Variants in DNAH5 observed in about 807,000 individuals in gnomAD.
The protein encoded by DNAH5 is dynein axonemal heavy chain 5.
DNAH5 carries 372 observed loss-of-function variants against 518.2 expected under a neutral mutation model. The observed-to-expected ratio is 0.72, with a 90% CI of 0.66 to 0.78. The LOEUF (loss-of-function observed/expected upper bound fraction) is 0.78, where lower values mean the gene tolerates loss of function less well. Among genes scored for constraint, DNAH5 ranks in the 30% least tolerant of loss-of-function variants. The pLI is 0.00. For missense variants in DNAH5, 5,523 were observed against 5,687.0 expected (o/e 0.97, Z 0.93); for synonymous variants, 2,039 against 2,025.9 (o/e 1.01, Z -0.17).
chr5:13,826,436 G>T (rs1352996049), intron 38 of DNAH5, among the ~76,000 whole-genome samples: 1 of 152,178 alleles, frequency 6.6e-6, no homozygotes, highest in Non-Finnish European at 1.5e-5. Flanking sequence ...ATGTGTCGTG[G>T]GAGGGACCAG....
chr5:13,944,251 T>C (rs369890629), intron 1 of DNAH5, 131 bp downstream of exon 1: 6 of 903,416 alleles, frequency 6.6e-6, no homozygotes, highest in African/African-American at 4.9e-5. Context: ...TGAACATTAG[T>C]TAAAAAATGT....
chr5:13,817,503 A>G (rs750692821), intron 42 of DNAH5, 45 bp downstream of exon 42: 2 of 1,591,238 alleles, frequency 1.3e-6, no homozygotes, highest in South Asian at 1.1e-5. Context: ...CAAGGATTCT[A>G]TCTAGAAGTA....
In DNAH5 at chr5:13,788,824, A is replaced by C. The variant is rs1162143826; in HGVS notation, c.8539T>G (p.Leu2847Val). ...AACTCCTCCTCTACCAAACTTACTA[A>C]AGCCTTATCAAACCAGGTCACATCA... is the stretch of plus-strand genomic sequence containing the variant. The part of the protein sequence containing the change: ...SSDVTWFDKA[L>V]VSLVEEEFGE... The change falls in exon 51 of 79, where the codon TTA (leucine) becomes GTA (valine). Residue 2847 changes from leucine (L) to valine (V), a missense_variant. Physicochemically the swap from Leu to Val is conservative, Grantham distance 32. Coordinates refer to ENST00000265104, the MANE Select transcript of DNAH5 (RefSeq NM_001369.3). 6.2e-7 allele frequency: 1 copy of C among 1,614,096 alleles called. No individual in the cohort carries two copies.
chr5:13,742,698 C>A lies in DNAH5; in HGVS notation c.11212-5203G>T, dbSNP rs576675526. Among the ~76,000 whole-genome samples the A allele has an allele frequency of 5.8e-4, 88 of 152,060 alleles. 2 individuals carry two copies. The highest frequency in any genetic ancestry group is 4.7e-3 in the Admixed American group (71 of 15,234). On this transcript the variant is annotated intron_variant, in intron 65 of 78. Transcript: ENST00000265104. ...GTAGTCAATTTAATATCATTGTTAA[C>A]AAATTTGTCGATTAAAGCAATTGCC... is the stretch of plus-strand genomic sequence containing the variant.
intron 58 of DNAH5, among the ~76,000 whole-genome samples, chr5:13,766,550 C>CT (rs1054016688): frequency 2.0e-5 from 3 of 152,168 alleles, no homozygotes; most frequent in African/African-American, 7.2e-5. Context: ...ATTTGTGGTG[C>CT]TTTTTTACTT....
chr5:13,737,288 C>G lies in DNAH5; in HGVS notation c.11419G>C (p.Val3807Leu), dbSNP rs576127819. The stretch of plus-strand genomic sequence containing the variant: ...TCCTCCCGGGCTGAGTTAATTTGAA[C>G]TTCTGTCTCAGCAGAAATTTCTAGC... ...QKLEISAETE[V>L]QINSAREEYR... Residue 3807 changes from valine to leucine, a missense_variant, in exon 66 of 79, where the codon GTT becomes CTT. Around this residue, in one of 3 missense-constraint regions of DNAH5, gnomAD observed 5,121 missense variants for 5,223.3 expected, o/e 0.98. Transcript: ENST00000265104. 2 of 1,614,108 alleles carry G rather than the reference C, an allele frequency of 1.2e-6. No homozygotes were observed. The highest frequency in any genetic ancestry group is 2.7e-5 in the African/African-American group (2 of 75,042).
At chr5:13,837,108 C>T (rs998153942) in intron 35 of DNAH5, among the ~76,000 whole-genome samples, 4 of 152,190 alleles carry the variant, frequency 2.6e-5, no homozygotes, top group African/African-American at 4.8e-5. Flanking sequence ...CACAGCCCTG[C>T]AGACACCTGA....
At chr5:13,989,467 A>G (rs994007386) in intron 1 of DNAH5, among the ~76,000 whole-genome samples, 3 of 150,336 alleles carry the variant, frequency 2.0e-5, no homozygotes, top group Non-Finnish European at 4.4e-5. Flanking sequence ...ACGTGTGCAT[A>G]CATGTAGAGG....
intron 1 of DNAH5, among the ~76,000 whole-genome samples, chr5:13,959,869 A>G (rs886173523): frequency 6.6e-6 from 1 of 152,156 alleles, no homozygotes; most frequent in African/African-American, 2.4e-5. Context: ...CGGGAGGCTG[A>G]GGCAGGAGAT....
chr5:13,717,072 C>T (rs1744392449), intron 73 of DNAH5, among the ~76,000 whole-genome samples: 1 of 152,124 alleles, frequency 6.6e-6, no homozygotes, highest in Non-Finnish European at 1.5e-5. Flanking sequence ...TGAGAACAGG[C>T]CCCTTGAGGC....
chr5:13,952,054 CAA>C (rs3058989), intron 1 of DNAH5, among the ~76,000 whole-genome samples: 1,718 of 152,258 alleles, frequency 0.011, 9 homozygotes, highest in Non-Finnish European at 0.018. Flanking sequence ...TTTGTTGACT[CAA>C]GAGACATCTT....
chr5:13,703,384 G>A (rs10040637), intron 76 of DNAH5, among the ~76,000 whole-genome samples: 78,389 of 151,912 alleles, frequency 0.52, 20,460 homozygotes, highest in Middle Eastern at 0.55. Context: ...GGCACAACAA[G>A]GCAACTAGTG....
Position 13,716,687 on chromosome 5 carries a change from C to T in DNAH5, c.12709G>A (p.Val4237Ile), listed in dbSNP as rs138045391. 1.3e-4 allele frequency: 205 copies of T among 1,609,960 alleles called. No homozygotes were observed. Among genetic ancestry groups the T allele is most frequent in the African/African-American group, 1.2e-3 (88 of 74,936 alleles). The change falls in exon 74 of 79, where the codon GTC (valine) becomes ATC (isoleucine). Residue 4237 changes from valine (V) to isoleucine (I), a missense_variant. Physicochemically the swap from Val to Ile is conservative, Grantham distance 29 (BLOSUM62 3). Transcript: ENST00000265104. ...ATGTAGCGGATGGTGGTCCAGGAGA[C>T]ACCCTGGGAAATTTTATAGAATAAT... Reference protein sequence around the residue: ...HLDDMDVKKGVSWTTIRYMIG... With the variant: ...HLDDMDVKKGISWTTIRYMIG...
chr5:13,911,579 C>T (rs778677777), intron 11 of DNAH5, 86 bp from the exon 12 acceptor site: 345 of 1,016,968 alleles, frequency 3.4e-4, no homozygotes, highest in Non-Finnish European at 4.8e-4. Context: ...AGAGCCTATA[C>T]AATAATTGCC....
Position 13,820,451 on chromosome 5 carries a change from T to C in DNAH5, c.6736A>G (p.Ile2246Val). Residue 2246 changes from isoleucine (I) to valine (V), a missense_variant, in exon 41 of 79, where the codon ATC (isoleucine) becomes GTC (valine). Coordinates refer to ENST00000265104, the MANE Select transcript of DNAH5 (RefSeq NM_001369.3). ...ACTCTCTGCGTTTCGAATAGCTGGATGACCTTCAGTTTCCAAGGAGGATGG... is the reference window on the plus strand; with the variant it reads ...ACTCTCTGCGTTTCGAATAGCTGGACGACCTTCAGTTTCCAAGGAGGATGG... ...INHPPWKLKVIQLFETQRVRH... is the reference protein window; with the variant it reads ...INHPPWKLKVVQLFETQRVRH... 1 of 1,614,180 alleles carries C rather than the reference T, an allele frequency of 6.2e-7. No homozygotes were observed. The highest frequency in any genetic ancestry group is 8.5e-7 in the Non-Finnish European group (1 of 1,180,038).
At position 13,885,956 on chromosome 5, in the gene DNAH5, T is replaced by A. The variant is rs1340740371; in HGVS notation, c.2743+8A>T. On this transcript the variant is annotated splice_region_variant and intron_variant, in intron 18 of 78. Transcript: ENST00000265104. ...AAAACAAGACCCTTTCATTACCCCA[T>A]CTCTTACCTGAACTTTCATTTTTGT... 6.2e-7 allele frequency: 1 copy of A among 1,611,682 alleles called. No homozygotes were observed. The highest frequency in any genetic ancestry group is 8.5e-7 in the Non-Finnish European group (1 of 1,179,054).
At position 13,768,976 on chromosome 5, in the gene DNAH5, G is replaced by C; in HGVS notation, c.9881C>G (p.Ala3294Gly). 1 of 1,614,140 alleles carries C rather than the reference G, an allele frequency of 6.2e-7. No homozygotes were observed. The highest frequency in any genetic ancestry group is 8.5e-7 in the Non-Finnish European group (1 of 1,179,988). ...LEAAKPALEE[A>G]EAALQTIRPS... ...TAGATGCACCTGCAATGCAGCTTCTGCCTCTTCTAAAGCTGGTTTTGCTGC... is the reference window on the plus strand; with the variant it reads ...TAGATGCACCTGCAATGCAGCTTCTCCCTCTTCTAAAGCTGGTTTTGCTGC... Residue 3294 changes from alanine (A) to glycine (G), a missense_variant, in exon 58 of 79, where the codon GCA becomes GGA. This residue lies in a region of DNAH5 where 5,121 missense variants were observed against 5,223.3 expected (regional missense o/e 0.98). Coordinates refer to ENST00000265104, the MANE Select transcript of DNAH5 (RefSeq NM_001369.3).
chr5:13,919,095 T>C (rs1179919630), intron 7 of DNAH5, 81 bp downstream of exon 7: 2 of 1,549,812 alleles, frequency 1.3e-6, no homozygotes, highest in Non-Finnish European at 1.8e-6. Flanking sequence ...ATTTTTTTGT[T>C]CCTAATCACT....
Position 13,901,386 on chromosome 5 carries a change from G to A in DNAH5, c.1918C>T (p.Pro640Ser), listed in dbSNP as rs1190341921. The A allele has an allele frequency of 6.2e-7, 1 of 1,614,032 alleles. No individual in the cohort carries two copies. Among genetic ancestry groups the A allele is most frequent in the African/African-American group, 1.3e-5 (1 of 74,936 alleles). Residue 640 changes from proline (P) to serine (S), a missense_variant, in exon 14 of 79, where the codon CCC (proline) becomes TCC (serine). This residue lies in a region of DNAH5 where 5,121 missense variants were observed against 5,223.3 expected (regional missense o/e 0.98). Transcript: ENST00000265104. ...GGGTGCTGCTGGAAAAGCTGCATGGGCTGCTGAATCCTATGGAAGAGCTGG... is the reference window on the plus strand; with the variant it reads ...GGGTGCTGCTGGAAAAGCTGCATGGACTGCTGAATCCTATGGAAGAGCTGG... ...ARQLFHRIQQ[P>S]MQLFQQHPAV...
Sources: allele counts gnomAD v4.1 joint callset (sites outside exome capture counted in the v4.1 genomes callset), GRCh38; gene constraint gnomAD v4.1.1; regional missense constraint gnomAD v4.1.1; transcripts MANE v1.5; gene names NCBI Gene and HGNC (gene_info 2026-07-23, HGNC 2026-07-21).